RASGEF1C: variants seen among roughly 807,000 people sequenced by gnomAD.
The protein encoded by RASGEF1C is RasGEF domain family member 1C.
In RASGEF1C, 27 loss-of-function variants were observed where a neutral mutation model predicts 58.1. That is an observed-to-expected ratio of 0.46 (90% confidence interval 0.34 to 0.64). The LOEUF (loss-of-function observed/expected upper bound fraction) is 0.64. Among genes scored for constraint, RASGEF1C ranks in the 30% least tolerant of loss-of-function variants. The pLI is 0.01. For synonymous variants in RASGEF1C, 243 were observed against 246.3 expected, an observed-to-expected ratio of 0.99 and a Z score of 0.13; for missense variants, 502 against 605.1, an observed-to-expected ratio of 0.83 and a Z score of 1.79.
Position 180,111,461 on chromosome 5 carries a change from C to T in RASGEF1C, c.1299G>A (p.Glu433=), listed in dbSNP as rs370166391. 13 of 1,614,208 alleles carry T rather than the reference C, an allele frequency of 8.1e-6. No individual in the cohort carries two copies. Among genetic ancestry groups the T allele is most frequent in the Non-Finnish European group, 1.1e-5 (13 of 1,180,016 alleles). The change falls in exon 12 of 14, where the codon GAG becomes GAA. Residue 433 remains glutamate (E), a synonymous_variant. Transcript: ENST00000361132. Reference sequence around the variant, plus strand: ...AGGGCTGCAGGGCTACCTTACCATCCTCACTGAAGATGGGGGCGGTGTACA... The same window carrying T: ...AGGGCTGCAGGGCTACCTTACCATCTTCACTGAAGATGGGGGCGGTGTACA... The part of the protein sequence containing the change: ...HYLYTAPIFS[E]DGLYLASYES...
At chr5:180,207,715 G>C (rs1050218540) in intron 1 of RASGEF1C, among the ~76,000 whole-genome samples, 1 of 152,030 alleles carries the variant, frequency 6.6e-6, no homozygotes, top group Non-Finnish European at 1.5e-5. Context: ...ACCGCCTGGG[G>C]GCTGCCCAGG....
chr5:180,111,403 G>T, intron 12 of RASGEF1C, 54 bp downstream of exon 12: 2 of 1,612,338 alleles, frequency 1.2e-6, no homozygotes, highest in Admixed American at 1.7e-5. Flanking sequence ...TGACTGAGAG[G>T]CTACCCCAGA....
intron 1 of RASGEF1C, among the ~76,000 whole-genome samples, chr5:180,159,670 G>A (rs1766906894): frequency 6.6e-6 from 1 of 152,190 alleles, no homozygotes; most frequent in Non-Finnish European, 1.5e-5. Context: ...GGCCATTTGG[G>A]GGAACTCTGA....
intron 1 of RASGEF1C, among the ~76,000 whole-genome samples, chr5:180,164,435 G>A (rs1057163370): frequency 3.9e-5 from 6 of 152,086 alleles, no homozygotes; most frequent in African/African-American, 1.4e-4. Context: ...GTGATGTTTT[G>A]ATATAAATTA....
intron 4 of RASGEF1C, chr5:180,135,172 G>A (rs1442516161): frequency 6.6e-6 from 1 of 152,230 alleles, no homozygotes; most frequent in Non-Finnish European, 1.5e-5. Context: ...GAGCAGAACA[G>A]AGGAGGGGAG....
chr5:180,145,306 A>T (rs981263600), intron 1 of RASGEF1C, among the ~76,000 whole-genome samples: 1 of 151,984 alleles, frequency 6.6e-6, no homozygotes, highest in African/African-American at 2.4e-5. Context: ...GTTTTAGTAG[A>T]GATGGGGTTT....
chr5:180,124,977 A>G (rs1213951205), intron 6 of RASGEF1C, among the ~76,000 whole-genome samples: 1 of 151,894 alleles, frequency 6.6e-6, no homozygotes, highest in African/African-American at 2.4e-5. Context: ...CACAAAAAAT[A>G]CCAAAATTAG....
intron 1 of RASGEF1C, among the ~76,000 whole-genome samples, chr5:180,153,148 T>G (rs1766791430): frequency 6.6e-6 from 1 of 152,154 alleles, no homozygotes; most frequent in South Asian, 2.1e-4. Flanking sequence ...GAATTTAAAG[T>G]TTCTGGCTCT....
Position 180,196,004 on chromosome 5 carries a change from C to T in RASGEF1C, c.-7+13024G>A, listed in dbSNP as rs73813832. Among the ~76,000 whole-genome samples the T allele has an allele frequency of 5.9e-3, 903 of 152,242 alleles. 11 individuals are homozygous for T. Among genetic ancestry groups the T allele is most frequent in the African/African-American group, 0.02 (851 of 41,520 alleles). ...AATGTGATGTTTTGATGTACGCAGA[C>T]GCTGTGCGATGGCTCAGTCAAGATA... On this transcript the variant is annotated intron_variant, in intron 1 of 13. Coordinates refer to ENST00000361132, the MANE Select transcript of RASGEF1C (RefSeq NM_175062.4).
chr5:180,101,731 C>T (rs76427243), intron 13 of RASGEF1C, among the ~76,000 whole-genome samples: 6 of 152,328 alleles, frequency 3.9e-5, no homozygotes, highest in African/African-American at 1.4e-4. Context: ...GTTAACACGC[C>T]GAGCAAGAAG....
chr5:180,166,369 T>G (rs925980764), intron 1 of RASGEF1C, among the ~76,000 whole-genome samples: 2 of 152,178 alleles, frequency 1.3e-5, no homozygotes, highest in African/African-American at 2.4e-5. Flanking sequence ...TCATTCCCCA[T>G]GTATGTGTCC....
rs1260784860 is a variant in RASGEF1C at position 180,177,938 on chromosome 5, C to A, written c.-7+31090G>T. On this transcript the variant is annotated intron_variant, in intron 1 of 13. Transcript: ENST00000361132. This position sits in a 1 kb window ranked among gnomAD's most constrained non-coding sequence, Gnocchi z 5.0. ...CAGAGACCGAGACCATGTCCCACATCCAGCCATGCCTGAAGCCCACCTTGG... is the reference window on the plus strand; with the variant it reads ...CAGAGACCGAGACCATGTCCCACATACAGCCATGCCTGAAGCCCACCTTGG... 1.3e-5 allele frequency among the ~76,000 whole-genome samples: 2 copies of A among 151,778 alleles called. No homozygotes were observed. Among genetic ancestry groups the A allele is most frequent in the African/African-American group, 2.4e-5 (1 of 41,370 alleles).
intron 1 of RASGEF1C, among the ~76,000 whole-genome samples, chr5:180,144,026 T>C (rs901247307): frequency 1.3e-5 from 2 of 151,898 alleles, no homozygotes; most frequent in African/African-American, 4.8e-5. Context: ...GAGGGAGCAG[T>C]CCCCCTCTTC....
In RASGEF1C at chr5:180,136,476, A is replaced by G; in HGVS notation, c.340T>C (p.Leu114=). 1 of 1,566,890 alleles carries G rather than the reference A, an allele frequency of 6.4e-7. No individual in the cohort carries two copies. Reference sequence around the variant, plus strand: ...GGGAAGGTCTCGGTCCACTCGGCCAACAGCTGCAGCAGTTTGGGGCCGAAC... The same window carrying G: ...GGGAAGGTCTCGGTCCACTCGGCCAGCAGCTGCAGCAGTTTGGGGCCGAAC... ...RKFGPKLLQL[L]AEWTETFPRD... The change falls in exon 4 of 14, where the codon TTG becomes CTG. Residue 114 remains leucine, a synonymous_variant. Transcript: ENST00000361132.
Position 180,203,918 on chromosome 5 carries a change from G to C in RASGEF1C, c.-7+5110C>G, listed in dbSNP as rs1010427579. 3.6e-4 allele frequency among the ~76,000 whole-genome samples: 55 copies of C among 152,090 alleles called. 1 individual carries two copies. The highest frequency in any genetic ancestry group is 6.5e-5 in the Admixed American group (1 of 15,268). ...TGAGGCAGGAGAGTCGCTTGAACCT[G>C]GGAGGCAGAGGTTGGAGTGAGCCGA... On this transcript the variant is annotated intron_variant, in intron 1 of 13. Coordinates refer to ENST00000361132, the MANE Select transcript of RASGEF1C (RefSeq NM_175062.4).
At chr5:180,170,084 T>C (rs1207291146) in intron 1 of RASGEF1C, among the ~76,000 whole-genome samples, 1 of 152,190 alleles carries the variant, frequency 6.6e-6, no homozygotes, top group African/African-American at 2.4e-5. Context: ...GACTGGGAGC[T>C]CCACTGGGGC....
chr5:180,129,655 G>A (rs1309544773), intron 4 of RASGEF1C, among the ~76,000 whole-genome samples: 2 of 152,320 alleles, frequency 1.3e-5, no homozygotes, highest in East Asian at 1.9e-4. Flanking sequence ...TGATGATGCC[G>A]ACTGCCACCC....
At chr5:180,207,586 C>T (rs553169034) in intron 1 of RASGEF1C, among the ~76,000 whole-genome samples, 1 of 152,324 alleles carries the variant, frequency 6.6e-6, no homozygotes, top group African/African-American at 2.4e-5. Context: ...TGCGGGCTCC[C>T]CCTCGCCAGT....
At chr5:180,154,230 G>A (rs1766816636) in intron 1 of RASGEF1C, among the ~76,000 whole-genome samples, 1 of 152,060 alleles carries the variant, frequency 6.6e-6, no homozygotes, top group South Asian at 2.1e-4. Flanking sequence ...AGGGTCAAAT[G>A]GGCCTCTTTG....
Sources: allele counts gnomAD v4.1 joint callset (sites outside exome capture counted in the v4.1 genomes callset), GRCh38; gene constraint gnomAD v4.1.1; non-coding constraint Gnocchi (gnomAD v3.1); transcripts MANE v1.5; gene names NCBI Gene and HGNC (gene_info 2026-07-23, HGNC 2026-07-21).